PTPRD: variants seen among roughly 807,000 people sequenced by gnomAD.
The protein encoded by PTPRD is receptor-type tyrosine-protein phosphatase delta.
A neutral mutation model predicts 214.5 loss-of-function variants in PTPRD; 34 were observed. The ratio of observed to expected loss-of-function variants is 0.16; its 90% CI spans 0.12 to 0.21. The LOEUF (loss-of-function observed/expected upper bound fraction) is 0.21, where lower values mean the gene tolerates loss of function less well. Ranked by LOEUF, PTPRD falls within the 10% of genes least tolerant of loss-of-function variation. The pLI is 1.00. For missense variants in PTPRD, 2,545 were observed against 2,398.7 expected, an observed-to-expected ratio of 1.06 and a Z score of -1.27; for synonymous variants, 1,128 against 845.7, an observed-to-expected ratio of 1.33 and a Z score of -5.79.
At chr9:9,582,632 A>G (rs1033137203) in intron 7 of PTPRD, among the ~76,000 whole-genome samples, 1 of 152,108 alleles carries the variant, frequency 6.6e-6, no homozygotes, top group South Asian at 2.1e-4. Context: ...TGATGAAATT[A>G]TATCTCAATA....
intron 3 of PTPRD, among the ~76,000 whole-genome samples, chr9:10,337,256 T>G (rs2154440770): frequency 6.6e-6 from 1 of 151,840 alleles, no homozygotes; most frequent in Non-Finnish European, 1.5e-5. Context: ...ATTATATATG[T>G]ACACATTTTA....
At chr9:9,400,133 A>C (rs1011887018) in intron 8 of PTPRD, among the ~76,000 whole-genome samples, 2 of 149,636 alleles carry the variant, frequency 1.3e-5, no homozygotes, top group Non-Finnish European at 3.0e-5. Context: ...GTAGATGAGT[A>C]AATAGAAAAA....
chr9:10,552,221 C>T (rs1025314668), intron 2 of PTPRD, among the ~76,000 whole-genome samples: 1 of 151,828 alleles, frequency 6.6e-6, no homozygotes, highest in Non-Finnish European at 1.5e-5. Context: ...GTGTGCAGGC[C>T]ATTCGACACT....
intron 2 of PTPRD, among the ~76,000 whole-genome samples, chr9:10,357,896 A>T (rs1408138748): frequency 2.0e-5 from 3 of 152,160 alleles, no homozygotes; most frequent in Non-Finnish European, 2.9e-5. Context: ...AGAATTATAT[A>T]AACAGAAATC....
At position 9,293,452 on chromosome 9, in the gene PTPRD, G is replaced by A. The variant is rs1485623877; in HGVS notation, c.-203+103997C>T. 4.7e-5 allele frequency among the ~76,000 whole-genome samples: 7 copies of A among 149,996 alleles called. No individual in the cohort carries two copies. In the East Asian group the frequency reaches 1.2e-3, roughly 25 times the overall value. On this transcript the variant is annotated intron_variant, in intron 9 of 45. Transcript: ENST00000381196. ...ATTTTTACACTACAAGCTGTCCCAG[G>A]CATATCTTGTGTAGTTCCTGCTCCA... is the stretch of plus-strand genomic sequence containing the variant.
chr9:8,383,456 A>C (rs906757612), intron 37 of PTPRD, among the ~76,000 whole-genome samples: 1 of 152,170 alleles, frequency 6.6e-6, no homozygotes, highest in Non-Finnish European at 1.5e-5. Context: ...AAACCACAAA[A>C]TTTAGTAGGG....
chr9:9,716,682 C>T (rs1287847482), intron 7 of PTPRD, among the ~76,000 whole-genome samples: 11 of 152,146 alleles, frequency 7.2e-5, no homozygotes, highest in Non-Finnish European at 1.5e-4. Context: ...ATGTCCTTTG[C>T]CCACTTTTTG....
chr9:8,351,771 A>C (rs10976980), intron 39 of PTPRD, among the ~76,000 whole-genome samples: 9,966 of 136,844 alleles, frequency 0.073, 490 homozygotes, highest in Middle Eastern at 0.12. Context: ...AAAAAAAAAA[A>C]ATCTAGAGTT....
intron 10 of PTPRD, among the ~76,000 whole-genome samples, chr9:9,128,926 T>C (rs2099838315): frequency 6.6e-6 from 1 of 152,210 alleles, no homozygotes; most frequent in Non-Finnish European, 1.5e-5. Flanking sequence ...ATTTTTCTCA[T>C]TCCAAATGGA....
At chr9:9,209,316 T>C (rs2099947043) in intron 9 of PTPRD, among the ~76,000 whole-genome samples, 1 of 151,992 alleles carries the variant, frequency 6.6e-6, no homozygotes, top group Non-Finnish European at 1.5e-5. Flanking sequence ...GTAAATAAAT[T>C]GCAAAGAATA....
chr9:9,615,642 T>C (rs2094814973), intron 7 of PTPRD, among the ~76,000 whole-genome samples: 1 of 152,210 alleles, frequency 6.6e-6, no homozygotes, highest in Non-Finnish European at 1.5e-5. Flanking sequence ...ACTGCTAGAT[T>C]GGCTTTCTAT....
intron 2 of PTPRD, among the ~76,000 whole-genome samples, chr9:10,448,919 C>T (rs2098817655): frequency 6.6e-6 from 1 of 152,058 alleles, no homozygotes; most frequent in African/African-American, 2.4e-5. Context: ...TTTGCAAATA[C>T]TTCATTAACT....
At chr9:9,587,188 A>G (rs1033653171) in intron 7 of PTPRD, among the ~76,000 whole-genome samples, 2 of 152,010 alleles carry the variant, frequency 1.3e-5, no homozygotes, top group African/African-American at 2.4e-5. Flanking sequence ...TACATCCAGC[A>G]AGTTACTTAA....
chr9:9,376,685 G>C (rs182531724), intron 9 of PTPRD, among the ~76,000 whole-genome samples: 1 of 152,158 alleles, frequency 6.6e-6, no homozygotes. Context: ...AACATTAATA[G>C]AGTCATGTTC....
intron 9 of PTPRD, among the ~76,000 whole-genome samples, chr9:9,309,958 TC>T (rs1472141978): frequency 6.6e-6 from 1 of 152,134 alleles, no homozygotes; most frequent in Non-Finnish European, 1.5e-5. Context: ...GATTTTTTTT[TC>T]CCTTACATAG....
chr9:9,146,890 A>G (rs2099869460), intron 10 of PTPRD, among the ~76,000 whole-genome samples: 2 of 151,976 alleles, frequency 1.3e-5, no homozygotes, highest in African/African-American at 2.4e-5. Context: ...GGCCTTTAGA[A>G]CAACAATAAC....
At chr9:10,606,712 C>A (rs760687938) in intron 2 of PTPRD, among the ~76,000 whole-genome samples, 1 of 151,760 alleles carries the variant, frequency 6.6e-6, no homozygotes, top group Admixed American at 6.6e-5. Context: ...ATACGTATGT[C>A]ATGTTACATG....
intron 11 of PTPRD, among the ~76,000 whole-genome samples, chr9:8,929,891 A>ATATATGTGTATATATGTATATATGTG (rs1188221114): frequency 1.3e-5 from 1 of 79,348 alleles, no homozygotes; most frequent in Non-Finnish European, 2.4e-5. Context: ...ATGTGTGTGT[A>ATATATGTGTATATATGTATATATGTG]TATATATGTG....
intron 3 of PTPRD, among the ~76,000 whole-genome samples, chr9:10,165,808 C>G (rs2099155507): frequency 6.6e-6 from 1 of 150,860 alleles, no homozygotes; most frequent in Non-Finnish European, 1.5e-5. Context: ...TTACACCCAT[C>G]TGAATATAAT....
Sources: allele counts gnomAD v4.1 joint callset (sites outside exome capture counted in the v4.1 genomes callset), GRCh38; gene constraint gnomAD v4.1.1; transcripts MANE v1.5; gene names NCBI Gene and HGNC (gene_info 2026-07-23, HGNC 2026-07-21).